Variants in HIPK2 observed in about 807,000 individuals in gnomAD.
HIPK2 encodes the protein homeodomain-interacting protein kinase 2.
In HIPK2, 27 loss-of-function variants were observed where a neutral mutation model predicts 113.7. The observed-to-expected ratio is 0.24, with a 90% CI of 0.17 to 0.33. HIPK2 has a LOEUF of 0.33. HIPK2 is among the 10% of genes least tolerant of loss of function. HIPK2 has a pLI of 1.00. For synonymous variants in HIPK2, 631 were observed against 642.2 expected (o/e 0.98, Z 0.26); for missense variants, 1,257 against 1,588.0 (o/e 0.79, Z 3.54).
At chr7:139,678,958 TG>T (rs1410835651) in intron 2 of HIPK2, among the ~76,000 whole-genome samples, 5 of 152,224 alleles carry the variant, frequency 3.3e-5, no homozygotes, top group East Asian at 1.9e-4. Context: ...TTTGGCTCTC[TG>T]TTTGTCTATT....
At chr7:139,588,093 G>A (rs1394897511) in intron 12 of HIPK2, among the ~76,000 whole-genome samples, 1 of 151,590 alleles carries the variant, frequency 6.6e-6, no homozygotes, top group Non-Finnish European at 1.5e-5. Context: ...CGAGGTGGGC[G>A]GATCACTTGA....
chr7:139,652,298 C>G (rs916421906), intron 2 of HIPK2, among the ~76,000 whole-genome samples: 3 of 152,166 alleles, frequency 2.0e-5, no homozygotes, highest in South Asian at 2.1e-4. Flanking sequence ...ACGCTGCTCA[C>G]GAGTGGCTTT....
chr7:139,702,639 A>G (rs1794744576), intron 2 of HIPK2, among the ~76,000 whole-genome samples: 1 of 152,174 alleles, frequency 6.6e-6, no homozygotes, highest in Non-Finnish European at 1.5e-5. Flanking sequence ...TGAGATAACG[A>G]TTACAGGGAA....
rs535375409 is a variant in HIPK2, at chr7:139,599,070, G to A, written c.2435+1347C>T. On this transcript the variant is annotated intron_variant, in intron 11 of 14. Transcript: ENST00000406875. The stretch of plus-strand genomic sequence containing the variant: ...CCTAGTTTCTGGTATCTGCTTATAT[G>A]AGGAAGCAGAAAACCAAAATCACTA... Among the ~76,000 whole-genome samples the A allele has an allele frequency of 4.6e-5, 7 of 152,338 alleles. No individual in the cohort carries two copies. The East Asian group carries it at 1.2e-3, about 25-fold the overall frequency.
At chr7:139,590,477 T>G (rs1585245323) in intron 12 of HIPK2, among the ~76,000 whole-genome samples, 1 of 152,224 alleles carries the variant, frequency 6.6e-6, no homozygotes, top group South Asian at 2.1e-4. Flanking sequence ...TTTGCTAATC[T>G]GAGTCAATTT....
chr7:139,713,302 A>G (rs563959630), intron 2 of HIPK2, among the ~76,000 whole-genome samples: 1 of 152,308 alleles, frequency 6.6e-6, no homozygotes, highest in South Asian at 2.1e-4. Flanking sequence ...TGAAGGAGTC[A>G]GCCCTCCCCA....
In HIPK2 at chr7:139,626,791, C is replaced by A. The variant is rs778333936; in HGVS notation, c.1435-6G>T. 2 of 1,613,798 alleles carry A rather than the reference C, an allele frequency of 1.2e-6. No individual in the cohort carries two copies. The highest frequency in any genetic ancestry group is 1.7e-6 in the Non-Finnish European group (2 of 1,179,822). On this transcript the variant is annotated splice_region_variant and splice_polypyrimidine_tract_variant and intron_variant, in intron 5 of 14. Coordinates refer to ENST00000406875, the MANE Select transcript of HIPK2 (RefSeq NM_022740.5). ...AAATCTGTCGTCATGTTCACCTGGA[C>A]GCAAGTAAGGACAGGTTACCAAGGA...
In HIPK2 at chr7:139,662,819, A is replaced by G. The variant is rs116325607; in HGVS notation, c.1104-31094T>C. Among the ~76,000 whole-genome samples, 634 of 152,074 alleles carry G rather than the reference A, an allele frequency of 4.2e-3. 4 individuals carry two copies. The highest frequency in any genetic ancestry group is 0.015 in the African/African-American group (626 of 41,490). Reference sequence around the variant, plus strand: ...ATTTTTAGTAAAGATGGGGTTTCACATGCTGGCCAGGCTGGTCTCGAACTC... The same window carrying G: ...ATTTTTAGTAAAGATGGGGTTTCACGTGCTGGCCAGGCTGGTCTCGAACTC... On this transcript the variant is annotated intron_variant, in intron 2 of 14. Coordinates refer to ENST00000406875, the MANE Select transcript of HIPK2 (RefSeq NM_022740.5).
At chr7:139,591,229 C>T (rs1052706210) in intron 12 of HIPK2, among the ~76,000 whole-genome samples, 16 of 152,212 alleles carry the variant, frequency 1.1e-4, no homozygotes, top group South Asian at 6.2e-4. Context: ...CATATATCAC[C>T]CTTAAGATCA....
rs1473346020 is a variant in HIPK2, at chr7:139,565,611, T to A, written c.*7316A>T. 6.6e-6 allele frequency: 1 copy of A among 152,192 alleles called. No individual in the cohort carries two copies. Among genetic ancestry groups the A allele is most frequent in the East Asian group, 1.9e-4 (1 of 5,204 alleles). 9.4% of individuals were successfully genotyped at this position (152,192 alleles called of 1,614,324 possible). ...TCATGAAAGCTGGCTGGTTTTCCTG[T>A]TTATACAATTGTTGCTATTTCTTTG... is the stretch of plus-strand genomic sequence containing the variant. On this transcript the variant is annotated 3_prime_UTR_variant, in exon 15 of 15. Coordinates refer to ENST00000406875, the MANE Select transcript of HIPK2 (RefSeq NM_022740.5).
chr7:139,735,015 C>A (rs1010967063), intron 1 of HIPK2, among the ~76,000 whole-genome samples: 3 of 152,036 alleles, frequency 2.0e-5, no homozygotes, highest in Admixed American at 6.6e-5. Context: ...ATATGTCATA[C>A]CTAAATAAAG....
intron 2 of HIPK2, among the ~76,000 whole-genome samples, chr7:139,635,036 C>T (rs915272484): frequency 6.6e-6 from 1 of 152,194 alleles, no homozygotes; most frequent in African/African-American, 2.4e-5. Flanking sequence ...GGTGTCAGAA[C>T]CTGCTTTTCT....
At chr7:139,671,951 T>G (rs1226289923) in intron 2 of HIPK2, among the ~76,000 whole-genome samples, 1 of 152,244 alleles carries the variant, frequency 6.6e-6, no homozygotes, top group Non-Finnish European at 1.5e-5. Context: ...GCAAAGAATT[T>G]TTTAATTCCT....
At chr7:139,593,805 T>C (rs1799106535) in intron 12 of HIPK2, among the ~76,000 whole-genome samples, 1 of 152,112 alleles carries the variant, frequency 6.6e-6, no homozygotes, top group Non-Finnish European at 1.5e-5. Context: ...GGATGATCAA[T>C]GTGTAGGAGG....
intron 2 of HIPK2, among the ~76,000 whole-genome samples, chr7:139,640,314 T>C (rs546180178): frequency 6.7e-4 from 102 of 152,362 alleles, no homozygotes; most frequent in African/African-American, 2.3e-3. Context: ...CTCTCTTGAC[T>C]GCACACACTG....
At chr7:139,644,577 A>G (rs1801143124) in intron 2 of HIPK2, among the ~76,000 whole-genome samples, 1 of 152,230 alleles carries the variant, frequency 6.6e-6, no homozygotes, top group South Asian at 2.1e-4. Flanking sequence ...GGTCCTCATC[A>G]TGGATCCTTT....
chr7:139,701,803 G>A (rs1794716897), intron 2 of HIPK2, among the ~76,000 whole-genome samples: 1 of 152,210 alleles, frequency 6.6e-6, no homozygotes, highest in Non-Finnish European at 1.5e-5. Context: ...TTTCACAAGG[G>A]GAATGGGGCA....
chr7:139,738,884 G>A (rs1263755415), intron 1 of HIPK2, among the ~76,000 whole-genome samples: 4 of 152,180 alleles, frequency 2.6e-5, no homozygotes, highest in Non-Finnish European at 4.4e-5. Context: ...GGCAGGGAAT[G>A]GAACCCAGGA....
At position 139,585,919 on chromosome 7, in the gene HIPK2, C is replaced by T. The variant is rs148566444; in HGVS notation, c.2718-1855G>A. Among the ~76,000 whole-genome samples the T allele has an allele frequency of 4.9e-3, 753 of 152,214 alleles. 6 individuals are homozygous for T. The highest frequency in any genetic ancestry group is 0.017 in the African/African-American group (703 of 41,510). On this transcript the variant is annotated intron_variant, in intron 12 of 14. Coordinates refer to ENST00000406875, the MANE Select transcript of HIPK2 (RefSeq NM_022740.5). ...AAACTCATGATATCTCGGAGATCTA[C>T]GCGGGGTACTACAGGGAATACCTAT...
Sources: gnomAD v4.1 joint callset for allele counts (sites outside exome capture counted in the v4.1 genomes callset) on GRCh38, gnomAD v4.1.1 for gene constraint, MANE v1.5 for transcripts, NCBI Gene and HGNC (gene_info 2026-07-23, HGNC 2026-07-21) for gene names.